The following SYNPO variants were observed in gnomAD, a reference collection of about 807,000 sequenced individuals.
SYNPO encodes the protein synaptopodin.
In SYNPO, 19 loss-of-function variants were observed where a neutral mutation model predicts 49.5. The observed-to-expected ratio is 0.38, with a 90% CI of 0.27 to 0.56. SYNPO has a LOEUF of 0.56. SYNPO is among the 20% of genes least tolerant of loss of function. The pLI, the probability that SYNPO is intolerant of heterozygous loss-of-function variation, is 0.68. For synonymous variants in SYNPO, 536 were observed against 548.0 expected (o/e 0.98, Z 0.31); for missense variants, 1,131 against 1,248.3 (o/e 0.91, Z 1.42).
chr5:150,643,733 C>A (rs1161743336), intron 1 of SYNPO, among the ~76,000 whole-genome samples: 1 of 152,090 alleles, frequency 6.6e-6, no homozygotes, highest in Non-Finnish European at 1.5e-5. Flanking sequence ...TGGGGTTTCA[C>A]CATATTGGCC....
intron 1 of SYNPO, among the ~76,000 whole-genome samples, chr5:150,609,819 A>G (rs1010270694): frequency 3.5e-4 from 52 of 150,586 alleles, no homozygotes; most frequent in Non-Finnish European, 7.5e-4. Context: ...TCTCAGAGCC[A>G]GGGCCCTGTG....
chr5:150,643,812 C>T (rs754077317), intron 1 of SYNPO, among the ~76,000 whole-genome samples: 1 of 152,086 alleles, frequency 6.6e-6, no homozygotes, highest in Admixed American at 6.5e-5. Flanking sequence ...GGATTACAGG[C>T]GCGAGCCACC....
chr5:150,623,253 C>G (rs887569959), intron 2 of SYNPO, among the ~76,000 whole-genome samples: 1 of 152,208 alleles, frequency 6.6e-6, no homozygotes, highest in Non-Finnish European at 1.5e-5. Context: ...TTCACACATT[C>G]TCTCCTACAG....
chr5:150,618,496 G>C, exon 2 of SYNPO: 1 of 1,551,480 alleles, frequency 6.4e-7, no homozygotes, highest in Non-Finnish European at 8.7e-7. Context: ...GCAGCGGTGA[G>C]GAGGGCCTGC....
intron 2 of SYNPO, among the ~76,000 whole-genome samples, chr5:150,624,305 G>A (rs1295749149): frequency 1.3e-5 from 2 of 152,182 alleles, no homozygotes; most frequent in African/African-American, 4.8e-5. Context: ...TGAAAGGAGA[G>A]CCAGGAAGAG....
At chr5:150,618,072 T>C (rs984337114) in intron 1 of SYNPO, 5 of 303,884 alleles carry the variant, frequency 1.6e-5, no homozygotes, top group East Asian at 5.6e-5. Context: ...AGCTTTCTCA[T>C]GTGCTGTTTC....
chr5:150,619,620 C>T (rs1431460262), intron 2 of SYNPO, among the ~76,000 whole-genome samples: 1 of 152,142 alleles, frequency 6.6e-6, no homozygotes, highest in Non-Finnish European at 1.5e-5. Context: ...ATGGGGAGGA[C>T]GTGAGCAGGG....
chr5:150,656,688 C>A lies in SYNPO; in HGVS notation c.2313C>A (p.Ser771=). Residue 771 remains serine (S), a synonymous_variant, in exon 3 of 3, where the codon TCC becomes TCA. Coordinates refer to ENST00000307662, the MANE Select transcript of SYNPO (RefSeq NM_007286.6). ...IINAARRKSA[S]PRSAGAENPR... is the part of the protein sequence containing the mutation. The stretch of plus-strand genomic sequence containing the variant: ...ATGCGGCCCGGCGCAAGAGCGCCTC[C>A]CCGCGGTCGGCGGGCGCCGAGAACC... The A allele has an allele frequency of 1.4e-6, 2 of 1,459,424 alleles. No homozygotes were observed. The highest frequency in any genetic ancestry group is 1.8e-6 in the Non-Finnish European group (2 of 1,110,122). 90.4% of individuals were successfully genotyped at this position (1,459,424 alleles called of 1,614,324 possible). A position where few individuals can be genotyped will look rare whatever the true frequency, so the allele number is the denominator to read the frequency against.
chr5:150,602,073 G>A lies in SYNPO; in HGVS notation c.-266+885G>A, dbSNP rs111942901. The stretch of plus-strand genomic sequence containing the variant: ...CAGTGGTGGGCCATCCAGACTCATC[G>A]GGGGCACAGAGGACACTGGGATGTG... On this transcript the variant is annotated intron_variant, in intron 1 of 2. Transcript: ENST00000394243. Among the ~76,000 whole-genome samples the A allele has an allele frequency of 5.3e-4, 80 of 152,288 alleles. 1 individual carries two copies. Among genetic ancestry groups the A allele is most frequent in the African/African-American group, 1.7e-3 (69 of 41,562 alleles).
intron 2 of SYNPO, among the ~76,000 whole-genome samples, chr5:150,619,002 G>T (rs184371830): frequency 4.1e-4 from 62 of 151,770 alleles, no homozygotes; most frequent in African/African-American, 1.5e-3. Context: ...CACGTGAGAA[G>T]GCAGTGAGAG....
upstream of SYNPO, among the ~76,000 whole-genome samples, chr5:150,596,528 A>T (rs1561626362): frequency 6.6e-6 from 1 of 152,016 alleles, no homozygotes; most frequent in Non-Finnish European, 1.5e-5. Flanking sequence ...TCTGCTCAGG[A>T]AGTCCACCCC....
chr5:150,625,807 G>A (rs1475129460), intron 2 of SYNPO, among the ~76,000 whole-genome samples: 1 of 152,220 alleles, frequency 6.6e-6, no homozygotes, highest in East Asian at 1.9e-4. Context: ...TGGGGTCCAG[G>A]TTGTCTGGAA....
chr5:150,603,819 C>T (rs1051699966), intron 1 of SYNPO, among the ~76,000 whole-genome samples: 7 of 152,232 alleles, frequency 4.6e-5, no homozygotes, highest in African/African-American at 1.7e-4. Context: ...GCCCACCTCT[C>T]CTCTGGCCCC....
chr5:150,637,508 G>A (rs905253460), upstream of SYNPO, among the ~76,000 whole-genome samples: 1 of 152,174 alleles, frequency 6.6e-6, no homozygotes, highest in African/African-American at 2.4e-5. Context: ...GTTTGCACAC[G>A]GTGACCACCT....
the SYNPO span, among the ~76,000 whole-genome samples, chr5:150,588,103 A>G: frequency 6.6e-6 from 1 of 152,204 alleles, no homozygotes; most frequent in Non-Finnish European, 1.5e-5. Flanking sequence ...AGTTTCAAAA[A>G]AGTGTGAAAA....
intron 2 of SYNPO, chr5:150,651,653 A>T: frequency 4.0e-6 from 4 of 1,001,502 alleles, no homozygotes; most frequent in Non-Finnish European, 4.8e-6. Flanking sequence ...GCATGGCAGG[A>T]GCTGGGGCAG....
intron 1 of SYNPO, among the ~76,000 whole-genome samples, chr5:150,604,701 T>A (rs1004142839): frequency 3.9e-5 from 6 of 152,148 alleles, no homozygotes; most frequent in Non-Finnish European, 7.3e-5. Flanking sequence ...CTTCCTGACC[T>A]GTAAAATGGA....
intron 1 of SYNPO, among the ~76,000 whole-genome samples, chr5:150,607,261 C>T (rs1043543454): frequency 2.7e-5 from 4 of 150,578 alleles, no homozygotes; most frequent in East Asian, 1.9e-4. Flanking sequence ...ACATAGCTGT[C>T]GAAAGAAAAA....
chr5:150,621,632 T>C (rs1329339586), intron 2 of SYNPO, among the ~76,000 whole-genome samples: 8 of 152,204 alleles, frequency 5.3e-5, no homozygotes, highest in Admixed American at 5.2e-4. Flanking sequence ...TCCGCAATTG[T>C]ACCTGCCTCT....
Sources: allele counts gnomAD v4.1 joint callset (sites outside exome capture counted in the v4.1 genomes callset), GRCh38; gene constraint gnomAD v4.1.1; transcripts MANE v1.5; gene names NCBI Gene and HGNC (gene_info 2026-07-23, HGNC 2026-07-21).